TNXB: variants seen among roughly 807,000 people sequenced by gnomAD.
TNXB encodes the protein tenascin XB.
In TNXB, 183 loss-of-function variants were observed where a neutral mutation model predicts 340.5. The observed-to-expected ratio is 0.54, with a 90% CI of 0.48 to 0.61. The LOEUF (loss-of-function observed/expected upper bound fraction) is 0.61. Ranked by LOEUF, TNXB falls within the 20% of genes least tolerant of loss-of-function variation. The probability of loss-of-function intolerance (pLI) is 0.00; values close to 1 mark genes in which losing one functional copy is unlikely to be tolerated. For missense variants in TNXB, 4,613 were observed against 5,446.4 expected, an observed-to-expected ratio of 0.85 and a Z score of 4.82; for synonymous variants, 2,121 against 2,314.5, an observed-to-expected ratio of 0.92 and a Z score of 2.40.
In TNXB at chr6:32,049,457, C is replaced by T; in HGVS notation, c.9570G>A (p.Gln3190=). The part of the protein sequence containing the change: ...DSLSLSWTVP[Q]GRFDSFTVQY... The stretch of plus-strand genomic sequence containing the variant: ...GCACGGTGAAGGAGTCGAAGCGGCC[C>T]TGGGGGACGGTCCAGGAGAGGCTCA... The change falls in exon 28 of 44, where the codon CAG becomes CAA. Residue 3190 remains glutamine (Q), a synonymous_variant. Transcript: ENST00000644971. This position sits in a 1 kb window ranked among gnomAD's most constrained non-coding sequence, Gnocchi z 4.5. 2 of 1,612,746 alleles carry T rather than the reference C, an allele frequency of 1.2e-6. No homozygotes were observed. Among genetic ancestry groups the T allele is most frequent in the South Asian group, 2.2e-5 (2 of 91,050 alleles).
chr6:32,056,847 T>C lies in TNXB; in HGVS notation c.7882A>G (p.Lys2628Glu). ...ATGGTCAGCTCCCCCAGGCGAGGCT[T>C]GATGGGGGGCTCAGGGGTCATGGTA... ...VPTMTPEPPI[K>E]PRLGELTMTD... Residue 2628 changes from lysine to glutamate, a missense_variant, in exon 23 of 44, where the codon AAG (lysine) becomes GAG (glutamate). Lys to Glu is a moderately conservative substitution (Grantham distance 56, BLOSUM62 1). This residue lies in a region of TNXB where 4,327 missense variants were observed against 4,859.4 expected (regional missense o/e 0.89). Transcript: ENST00000644971. 1 of 1,612,858 alleles carries C rather than the reference T, an allele frequency of 6.2e-7. No homozygotes were observed. Among genetic ancestry groups the C allele is most frequent in the Non-Finnish European group, 8.5e-7 (1 of 1,179,774 alleles).
Position 32,067,603 on chromosome 6 carries a change from T to C in TNXB, c.6544+58A>G. ...GGTTCTGGGTCCCTAGTGGAGGAGA[T>C]GCTGGAGGCTGTACTTTGCTAAGAC... On this transcript the variant is annotated intron_variant, in intron 18 of 43. Transcript: ENST00000644971. The surrounding 1 kb of genome is among the most constrained non-coding windows in gnomAD (Gnocchi z 4.2). 1 of 1,572,382 alleles carries C rather than the reference T, an allele frequency of 6.4e-7. No individual in the cohort carries two copies. The highest frequency in any genetic ancestry group is 8.6e-7 in the Non-Finnish European group (1 of 1,159,098).
chr6:32,053,807 G>A (rs898363823), intron 24 of TNXB, 96 bp from the exon 25 acceptor site: 7 of 1,400,432 alleles, frequency 5.0e-6, no homozygotes, highest in Admixed American at 2.0e-5. Context: ...AGAGCAGGAC[G>A]ATGCTGCCCA....
chr6:32,097,635 A>C lies in TNXB; in HGVS notation c.403+161T>G. 9.0e-7 allele frequency: 1 copy of C among 1,107,056 alleles called. No individual in the cohort carries two copies. The highest frequency in any genetic ancestry group is 1.7e-5 in the South Asian group (1 of 58,984). 68.6% of individuals were successfully genotyped at this position (1,107,056 alleles called of 1,614,324 possible). A position where few individuals can be genotyped will look rare whatever the true frequency, so the allele number is the denominator to read the frequency against. On this transcript the variant is annotated intron_variant, in intron 2 of 43. Coordinates refer to ENST00000644971, the MANE Select transcript of TNXB (RefSeq NM_001365276.2). This position sits in a 1 kb window ranked among gnomAD's most constrained non-coding sequence, Gnocchi z 5.9. Reference sequence around the variant, plus strand: ...GGCCCTCGCATATGCTTTGGTTGACATGTAGCCCAGCTCTGCTCTCCAAGT... The same window carrying C: ...GGCCCTCGCATATGCTTTGGTTGACCTGTAGCCCAGCTCTGCTCTCCAAGT...
intron 21 of TNXB, among the ~76,000 whole-genome samples, chr6:32,060,643 C>T (rs1211340186): frequency 2.0e-5 from 3 of 151,816 alleles, no homozygotes; most frequent in African/African-American, 7.3e-5. Context: ...ATTTGGGCTC[C>T]TTTTTCTTCT....
In TNXB at chr6:32,081,589, G is replaced by T; in HGVS notation, c.3821C>A (p.Pro1274Gln). The change falls in exon 10 of 44, where the codon CCA becomes CAA. Residue 1274 changes from proline to glutamine, a missense_variant. Pro to Gln is a moderately conservative substitution (Grantham distance 76). Coordinates refer to ENST00000644971, the MANE Select transcript of TNXB (RefSeq NM_001365276.2). The surrounding 1 kb of genome is among the most constrained non-coding windows in gnomAD (Gnocchi z 5.1). ...LGELTVTGVTPDSLRLSWTVA... is the reference protein window; with the variant it reads ...LGELTVTGVTQDSLRLSWTVA... Reference sequence around the variant, plus strand: ...TGTCCATGAGAGACGCAAGGAGTCTGGGGTCACGCCGGTCACTGTCAGTTC... The same window carrying T: ...TGTCCATGAGAGACGCAAGGAGTCTTGGGTCACGCCGGTCACTGTCAGTTC... 1 of 1,602,934 alleles carries T rather than the reference G, an allele frequency of 6.2e-7. No individual in the cohort carries two copies. Among genetic ancestry groups the T allele is most frequent in the East Asian group, 2.2e-5 (1 of 44,646 alleles).
At position 32,085,550 on chromosome 6, in the gene TNXB, T is replaced by C. The variant is rs534132438; in HGVS notation, c.3148+200A>G. On this transcript the variant is annotated intron_variant, in intron 7 of 43. Coordinates refer to ENST00000644971, the MANE Select transcript of TNXB (RefSeq NM_001365276.2). This position sits in a 1 kb window ranked among gnomAD's most constrained non-coding sequence, Gnocchi z 6.4. Reference sequence around the variant, plus strand: ...TTTCCCCTCTCCCCACCCATCCTTATCATTGTTTTAAGATCCCCCTCGATC... The same window carrying C: ...TTTCCCCTCTCCCCACCCATCCTTACCATTGTTTTAAGATCCCCCTCGATC... 6.6e-6 allele frequency among the ~76,000 whole-genome samples: 1 copy of C among 152,144 alleles called. No homozygotes were observed. Among genetic ancestry groups the C allele is most frequent in the Admixed American group, 6.5e-5 (1 of 15,288 alleles).
At chr6:32,086,436 C>G (rs987952943) in intron 6 of TNXB, among the ~76,000 whole-genome samples, 5 of 152,206 alleles carry the variant, frequency 3.3e-5, no homozygotes, top group Non-Finnish European at 5.9e-5. Flanking sequence ...ACATCCCCCC[C>G]ACTGGGTGGT....
Position 32,058,947 on chromosome 6 carries a change from T to C in TNXB, c.7493-557A>G, listed in dbSNP as rs1395339544. Among the ~76,000 whole-genome samples, 1 of 151,912 alleles carries C rather than the reference T, an allele frequency of 6.6e-6. No homozygotes were observed. Among genetic ancestry groups the C allele is most frequent in the African/African-American group, 2.4e-5 (1 of 41,178 alleles). ...GTGCCAAGAACTTTATGAACACTGA[T>C]TGCAACTTTAAAACACGCTCTGCAT... On this transcript the variant is annotated intron_variant, in intron 21 of 43. Transcript: ENST00000644971. This position sits in a 1 kb window ranked among gnomAD's most constrained non-coding sequence, Gnocchi z 5.1.
chr6:32,070,788 C>T lies in TNXB; in HGVS notation c.4991-374G>A, dbSNP rs114361117. On this transcript the variant is annotated intron_variant, in intron 13 of 43. Coordinates refer to ENST00000644971, the MANE Select transcript of TNXB (RefSeq NM_001365276.2). This position sits in a 1 kb window ranked among gnomAD's most constrained non-coding sequence, Gnocchi z 6.0. ...ACGATTTGGCCGTGATTTGGCCGGC[C>T]CCTGAGGAAAGGGGTGATTTGGCCG... 1.6e-3 allele frequency among the ~76,000 whole-genome samples: 238 copies of T among 152,274 alleles called. 1 individual carries two copies. The highest frequency in any genetic ancestry group is 5.4e-3 in the African/African-American group (223 of 41,574).
Position 32,070,416 on chromosome 6 carries a change from TGGAGA to T in TNXB, c.4991-7_4991-3del. On this transcript the variant is annotated splice_polypyrimidine_tract_variant and splice_region_variant and intron_variant, in intron 13 of 43. Transcript: ENST00000644971. The surrounding 1 kb of genome is among the most constrained non-coding windows in gnomAD (Gnocchi z 6.0). The stretch of plus-strand genomic sequence containing the variant: ...CTGGGCTGGCGTCACCTCGGGCAAC[TGGAGA>T]GGAAAGGTTCTTGTGTTTATTTTTT... 6.3e-7 allele frequency: 1 copy of T among 1,582,288 alleles called. No homozygotes were observed. Among genetic ancestry groups the T allele is most frequent in the Non-Finnish European group, 8.6e-7 (1 of 1,161,918 alleles).
At chr6:32,107,041 T>C (rs1781020126) in intron 1 of TNXB, among the ~76,000 whole-genome samples, 2 of 152,292 alleles carry the variant, frequency 1.3e-5, no homozygotes, top group Non-Finnish European at 2.9e-5. Context: ...CACCTAGTCA[T>C]TGGGTGATGC....
chr6:32,062,378 G>A lies in TNXB; in HGVS notation c.6947C>T (p.Pro2316Leu), dbSNP rs1196796121. The change falls in exon 20 of 44, where the codon CCT (proline) becomes CTT (leucine). Residue 2316 changes from proline to leucine, a missense_variant. Pro to Leu is a moderately conservative substitution (Grantham distance 98). This residue lies in a region of TNXB where 4,327 missense variants were observed against 4,859.4 expected (regional missense o/e 0.89). Coordinates refer to ENST00000644971, the MANE Select transcript of TNXB (RefSeq NM_001365276.2). This position sits in a 1 kb window ranked among gnomAD's most constrained non-coding sequence, Gnocchi z 4.3. ...LEELTVTDAT[P>L]DSLSLSWTVP... ...CGTCCAGGACAGGCTGAGGGAGTCAGGGGTCGCATCTGTCACGGTCAGCTC... is the reference window on the plus strand; with the variant it reads ...CGTCCAGGACAGGCTGAGGGAGTCAAGGGTCGCATCTGTCACGGTCAGCTC... 1 of 1,613,330 alleles carries A rather than the reference G, an allele frequency of 6.2e-7. No individual in the cohort carries two copies. The highest frequency in any genetic ancestry group is 1.3e-5 in the African/African-American group (1 of 74,940).
In TNXB at chr6:32,096,325, C is replaced by T; in HGVS notation, c.1528G>A (p.Gly510Ser). The T allele has an allele frequency of 7.7e-6, 12 of 1,548,920 alleles. 1 individual carries two copies. The highest frequency in any genetic ancestry group is 1.0e-5 in the Non-Finnish European group (12 of 1,152,676). ...AAGCCCGGGTTGCACACGCAGCGGC[C>T]ATCCACGCAGCGCCCGCGCCCGCGA... Reference protein sequence around the residue: ...DCRGRGRCVDGRCVCNPGFTG... With the variant: ...DCRGRGRCVDSRCVCNPGFTG... Residue 510 changes from glycine (G) to serine (S), a missense_variant, in exon 3 of 44, where the codon GGC (glycine) becomes AGC (serine). Physicochemically the swap from Gly to Ser is moderately conservative, Grantham distance 56. Around this residue, in one of 7 missense-constraint regions of TNXB, gnomAD observed 4,327 missense variants for 4,859.4 expected, o/e 0.89. Transcript: ENST00000644971.
intron 26 of TNXB, 40 bp from the exon 27 acceptor site, chr6:32,050,361 C>G: frequency 6.9e-6 from 11 of 1,602,136 alleles, no homozygotes; most frequent in Non-Finnish European, 9.4e-6. Flanking sequence ...ACCCTGGGTT[C>G]TCAGTTCAGC....
chr6:32,053,073 G>A, intron 25 of TNXB, 80 bp from the exon 26 acceptor site: 1 of 1,443,632 alleles, frequency 6.9e-7, no homozygotes, highest in Non-Finnish European at 9.4e-7. Context: ...GAGCGAAGCT[G>A]TGGCCATGAG....
intron 6 of TNXB, 81 bp from the exon 7 acceptor site, chr6:32,086,199 T>C: frequency 1.4e-6 from 2 of 1,407,588 alleles, no homozygotes; most frequent in Non-Finnish European, 1.9e-6. Flanking sequence ...GGTTCTGCCC[T>C]CCAGCCTCTA....
chr6:32,090,648 G>C lies in TNXB; in HGVS notation c.2359-1269C>G, dbSNP rs17201595. 0.054 allele frequency among the ~76,000 whole-genome samples: 8,209 copies of C among 152,212 alleles called. 403 individuals are homozygous for C. Among genetic ancestry groups the C allele is most frequent in the African/African-American group, 0.13 (5,196 of 41,494 alleles). On this transcript the variant is annotated intron_variant, in intron 4 of 43. Transcript: ENST00000644971. This position sits in a 1 kb window ranked among gnomAD's most constrained non-coding sequence, Gnocchi z 4.3. ...GTATAAAACCAGATGAGAAGGCCAC[G>C]TAGAGATTTCTGGGTTGAGGATGAA...
Position 32,041,892 on chromosome 6 carries a change from C to G in TNXB, c.12512G>C (p.Arg4171Pro). Residue 4171 changes from arginine to proline, a missense_variant, in exon 43 of 44, where the codon CGT (arginine) becomes CCT (proline). By Grantham distance (103) the Arg-to-Pro change is moderately radical. Coordinates refer to ENST00000644971, the MANE Select transcript of TNXB (RefSeq NM_001365276.2). Reference sequence around the variant, plus strand: ...GAGCAAGCTGTTGGGGTCCCGATCACGGGCAGAGAAGACACTGCCGCTGTG... The same window carrying G: ...GAGCAAGCTGTTGGGGTCCCGATCAGGGGCAGAGAAGACACTGCCGCTGTG... ...SYHSGSVFSA[R>P]DRDPNSLLIS... The G allele has an allele frequency of 1.4e-6, 1 of 694,658 alleles. No individual in the cohort carries two copies. The allele number at this position is 694,658 out of a possible 1,614,324, so 43.0% of individuals were successfully genotyped here.
Sources: allele counts gnomAD v4.1 joint callset (sites outside exome capture counted in the v4.1 genomes callset), GRCh38; gene constraint gnomAD v4.1.1; regional missense constraint gnomAD v4.1.1; non-coding constraint Gnocchi (gnomAD v3.1); transcripts MANE v1.5; gene names NCBI Gene and HGNC (gene_info 2026-07-23, HGNC 2026-07-21).